The following IGSF11 variants were observed in gnomAD, a reference collection of about 807,000 sequenced individuals.
IGSF11 encodes immunoglobulin superfamily member 11.
IGSF11 carries 22 observed loss-of-function variants against 41.0 expected under a neutral mutation model. That is an observed-to-expected ratio of 0.54 (90% CI 0.38 to 0.77). The LOEUF (loss-of-function observed/expected upper bound fraction) is 0.77, where lower values mean the gene tolerates loss of function less well. IGSF11 is among the 30% of genes least tolerant of loss of function. The pLI is 0.00. For missense variants in IGSF11, 444 were observed against 530.8 expected (o/e 0.84, Z 1.61); for synonymous variants, 219 against 201.3 (o/e 1.09, Z -0.74).
intron 1 of IGSF11, among the ~76,000 whole-genome samples, chr3:119,125,526 C>T (rs1387041692): frequency 1.3e-5 from 2 of 151,876 alleles, no homozygotes; most frequent in South Asian, 4.2e-4. Context: ...AAGGGCGGGA[C>T]GGTGTATTGT....
chr3:119,084,108 G>A (rs1183223550), intron 1 of IGSF11, among the ~76,000 whole-genome samples: 2 of 152,152 alleles, frequency 1.3e-5, no homozygotes, highest in Non-Finnish European at 2.9e-5. Context: ...TATAAAAATA[G>A]AGGAGGGGGC....
chr3:119,058,520 T>G (rs1941938280), intron 1 of IGSF11, among the ~76,000 whole-genome samples: 1 of 152,220 alleles, frequency 6.6e-6, no homozygotes, highest in African/African-American at 2.4e-5. Flanking sequence ...TTTTACACTG[T>G]TGGTGGGACT....
intron 1 of IGSF11, among the ~76,000 whole-genome samples, chr3:118,984,304 A>G (rs1935043252): frequency 6.6e-6 from 1 of 152,192 alleles, no homozygotes; most frequent in African/African-American, 2.4e-5. Flanking sequence ...CACATTGGTT[A>G]ATGTATCATG....
At chr3:118,989,509 C>T (rs546527708) in intron 1 of IGSF11, among the ~76,000 whole-genome samples, 37 of 152,214 alleles carry the variant, frequency 2.4e-4, no homozygotes, top group African/African-American at 6.3e-4. Flanking sequence ...CCCACCACCA[C>T]GCCCAGCTAA....
At chr3:118,942,636 T>C (rs1166962265) in intron 1 of IGSF11, among the ~76,000 whole-genome samples, 1 of 152,192 alleles carries the variant, frequency 6.6e-6, no homozygotes, top group African/African-American at 2.4e-5. Flanking sequence ...AAAATATGAT[T>C]TGTCAGCCAT....
intron 1 of IGSF11, among the ~76,000 whole-genome samples, chr3:119,022,008 T>G (rs1176347212): frequency 6.6e-6 from 1 of 152,168 alleles, no homozygotes; most frequent in Non-Finnish European, 1.5e-5. Context: ...GACTCCTTAA[T>G]TTTAAAAACT....
chr3:118,913,937 C>A (rs1368338101), intron 4 of IGSF11, among the ~76,000 whole-genome samples: 3 of 151,814 alleles, frequency 2.0e-5, no homozygotes, highest in African/African-American at 7.3e-5. Context: ...ATGAAAAGGT[C>A]CAAAAAATGG....
At chr3:118,988,736 A>T (rs539078435) in intron 1 of IGSF11, among the ~76,000 whole-genome samples, 10 of 151,766 alleles carry the variant, frequency 6.6e-5, no homozygotes, top group Non-Finnish European at 7.4e-5. Flanking sequence ...CTATTTGCTT[A>T]AAAAAAAACT....
chr3:118,983,018 C>G (rs1055470843), intron 1 of IGSF11, among the ~76,000 whole-genome samples: 1 of 152,166 alleles, frequency 6.6e-6, no homozygotes, highest in African/African-American at 2.4e-5. Context: ...ACACATATCA[C>G]CTCTACTTTT....
chr3:119,111,100 T>C (rs1188745783), intron 1 of IGSF11, among the ~76,000 whole-genome samples: 1 of 152,168 alleles, frequency 6.6e-6, no homozygotes, highest in African/African-American at 2.4e-5. Flanking sequence ...AGTATCTTTA[T>C]GGCGTTCTCT....
intron 1 of IGSF11, among the ~76,000 whole-genome samples, chr3:119,045,383 G>C (rs767215430): frequency 1.3e-5 from 2 of 152,250 alleles, no homozygotes; most frequent in Admixed American, 6.5e-5. Context: ...AAGGGGTGAC[G>C]AACGGCACCT....
intron 1 of IGSF11, among the ~76,000 whole-genome samples, chr3:119,115,602 ATT>A (rs1210548275): frequency 6.6e-6 from 1 of 152,084 alleles, no homozygotes; most frequent in Non-Finnish European, 1.5e-5. Context: ...GCATTATCAG[ATT>A]TTTTCCTATA....
At chr3:118,908,865 C>T (rs2107477744) in intron 4 of IGSF11, among the ~76,000 whole-genome samples, 1 of 152,254 alleles carries the variant, frequency 6.6e-6, no homozygotes, top group East Asian at 1.9e-4. Flanking sequence ...GTTAGACAGC[C>T]TAAGTTTGAG....
At chr3:118,942,002 C>T (rs537025287) in intron 1 of IGSF11, among the ~76,000 whole-genome samples, 1 of 152,216 alleles carries the variant, frequency 6.6e-6, no homozygotes, top group African/African-American at 2.4e-5. Context: ...GAGAATACTA[C>T]ATAGGGCATA....
chr3:118,965,434 TA>T (rs1945600355), intron 1 of IGSF11, among the ~76,000 whole-genome samples: 1 of 151,810 alleles, frequency 6.6e-6, no homozygotes, highest in Non-Finnish European at 1.5e-5. Context: ...AATTAATAAA[TA>T]AAAGAGCTCT....
chr3:118,923,981 T>C (rs1471423319), intron 4 of IGSF11, among the ~76,000 whole-genome samples: 1 of 152,158 alleles, frequency 6.6e-6, no homozygotes, highest in East Asian at 1.9e-4. Context: ...GGGACATACT[T>C]TGTAACTAAA....
intron 1 of IGSF11, among the ~76,000 whole-genome samples, chr3:119,023,047 A>C (rs992314507): frequency 6.6e-6 from 1 of 152,062 alleles, no homozygotes; most frequent in Non-Finnish European, 1.5e-5. Context: ...GGATCACCTG[A>C]TGTCAGGAGT....
intron 1 of IGSF11, among the ~76,000 whole-genome samples, chr3:119,052,392 A>G (rs912801018): frequency 6.6e-6 from 1 of 150,754 alleles, no homozygotes; most frequent in South Asian, 2.1e-4. Flanking sequence ...AGACAGGAGA[A>G]TCACATCTGT....
chr3:119,091,972 T>G (rs962323291), intron 1 of IGSF11, among the ~76,000 whole-genome samples: 55 of 135,568 alleles, frequency 4.1e-4, no homozygotes, highest in Admixed American at 3.5e-3. Flanking sequence ...GTGTGTTTTG[T>G]TTTTTGGTTT....
Sources: allele counts gnomAD v4.1 joint callset (sites outside exome capture counted in the v4.1 genomes callset), GRCh38; gene constraint gnomAD v4.1.1; transcripts MANE v1.5; gene names NCBI Gene and HGNC (gene_info 2026-07-23, HGNC 2026-07-21).